The following MYO10 variants were observed in gnomAD, a reference collection of about 807,000 sequenced individuals.
The protein encoded by MYO10 is unconventional myosin-X.
MYO10 carries 133 observed loss-of-function variants against 257.3 expected under a neutral mutation model. The ratio of observed to expected loss-of-function variants is 0.52; its 90% CI spans 0.45 to 0.60. The LOEUF (loss-of-function observed/expected upper bound fraction) is 0.60. MYO10 is among the 20% of genes least tolerant of loss of function. The pLI is 0.00. For missense variants in MYO10, 2,399 were observed against 2,635.7 expected (o/e 0.91, Z 1.97); for synonymous variants, 1,104 against 1,028.6 (o/e 1.07, Z -1.40).
In MYO10 at chr5:16,761,463, C is replaced by T; in HGVS notation, c.1739+1G>A. 1 of 1,609,200 alleles carries T rather than the reference C, an allele frequency of 6.2e-7. No individual in the cohort carries two copies. The highest frequency in any genetic ancestry group is 8.5e-7 in the Non-Finnish European group (1 of 1,176,162). On this transcript the variant is annotated splice_donor_variant, in intron 17 of 40. Transcript: ENST00000513610. LOFTEE classifies it high-confidence loss of function. ...ACTTCTCGGTGAGAAGACTGACATACCGGCTTTCTCTTAGCAAATTGAGAA... is the reference window on the plus strand; with the variant it reads ...ACTTCTCGGTGAGAAGACTGACATATCGGCTTTCTCTTAGCAAATTGAGAA...
chr5:16,901,196 C>T (rs367742891), intron 1 of MYO10, among the ~76,000 whole-genome samples: 1 of 152,276 alleles, frequency 6.6e-6, no homozygotes, highest in South Asian at 2.1e-4. Context: ...CAGCCTGTTG[C>T]TTTGCCAGCA....
At chr5:16,801,164 G>A (rs1580005543) in intron 3 of MYO10, among the ~76,000 whole-genome samples, 1 of 152,108 alleles carries the variant, frequency 6.6e-6, no homozygotes, top group Non-Finnish European at 1.5e-5. Flanking sequence ...GTTGGGTAGA[G>A]AAAGAGCACT....
Position 16,672,785 on chromosome 5 carries a change from C to T in MYO10, c.5213G>A (p.Ser1738Asn), listed in dbSNP as rs748588539. ...KLIRGLAMED[S>N]RNMFALFEYN... ...TTCAAACAAAGCAAACATGTTCCTG[C>T]TGTCCTCCATGGCCAGGCCTCGGAT... is the stretch of plus-strand genomic sequence containing the variant. Residue 1738 changes from serine (S) to asparagine (N), a missense_variant, in exon 37 of 41, where the codon AGC becomes AAC. By Grantham distance (46) the Ser-to-Asn change is conservative. Around this residue, in one of 3 missense-constraint regions of MYO10, gnomAD observed 1,820 missense variants for 1,939.4 expected, o/e 0.94. Coordinates refer to ENST00000513610, the MANE Select transcript of MYO10 (RefSeq NM_012334.3). The T allele has an allele frequency of 6.2e-7, 1 of 1,613,854 alleles. No individual in the cohort carries two copies. Among genetic ancestry groups the T allele is most frequent in the Non-Finnish European group, 8.5e-7 (1 of 1,179,816 alleles).
At chr5:16,889,309 G>T (rs1478233279) in intron 1 of MYO10, among the ~76,000 whole-genome samples, 1 of 152,074 alleles carries the variant, frequency 6.6e-6, no homozygotes, top group East Asian at 1.9e-4. Context: ...GGGAGGCTGA[G>T]GCAGGAGAAT....
At chr5:16,923,923 C>G (rs752797405) in intron 1 of MYO10, among the ~76,000 whole-genome samples, 25 of 152,140 alleles carry the variant, frequency 1.6e-4, no homozygotes, top group Non-Finnish European at 3.4e-4. Context: ...GACCTCATCT[C>G]TACAAAAAAT....
At chr5:16,679,848 G>GAA in intron 33 of MYO10, 99 bp downstream of exon 33, 1 of 1,449,142 alleles carries the variant, frequency 6.9e-7, no homozygotes, top group Non-Finnish European at 9.3e-7. Context: ...TTTGATTACA[G>GAA]AAAAAAAACT....
chr5:16,874,550 A>G (rs1744544964), intron 2 of MYO10, among the ~76,000 whole-genome samples: 1 of 152,206 alleles, frequency 6.6e-6, no homozygotes, highest in Non-Finnish European at 1.5e-5. Flanking sequence ...AGGCAGGTGC[A>G]AAATGCCAAC....
rs1736081839 is a variant in MYO10 at position 16,664,475 on chromosome 5, AGGCTTCAGGCAGCACCT to A, written c.*2200_*2216del. On this transcript the variant is annotated 3_prime_UTR_variant, in exon 41 of 41. Coordinates refer to ENST00000513610, the MANE Select transcript of MYO10 (RefSeq NM_012334.3). ...TTCCTTGGGTGCCTGGCGGGGCCAC[AGGCTTCAGGCAGCACCT>A]GGCTTCAGGTTCCATCCCAATCCCT... 1 of 152,234 alleles carries A rather than the reference AGGCTTCAGGCAGCACCT, an allele frequency of 6.6e-6. No individual in the cohort carries two copies. Among genetic ancestry groups the A allele is most frequent in the Non-Finnish European group, 1.5e-5 (1 of 68,064 alleles). The allele number at this position is 152,234 out of a possible 1,614,324, so 9.4% of individuals were successfully genotyped here.
chr5:16,843,341 T>C (rs577382569), intron 2 of MYO10, among the ~76,000 whole-genome samples: 10 of 152,262 alleles, frequency 6.6e-5, no homozygotes, highest in Non-Finnish European at 1.5e-4. Flanking sequence ...CATATATACA[T>C]ACACACATAC....
intron 9 of MYO10, among the ~76,000 whole-genome samples, chr5:16,771,094 G>A (rs1205155426): frequency 6.6e-6 from 1 of 152,122 alleles, no homozygotes; most frequent in Non-Finnish European, 1.5e-5. Context: ...TAAAGAAAAA[G>A]CAATAATGGC....
At chr5:16,912,802 GCACA>G (rs70943817) in intron 1 of MYO10, among the ~76,000 whole-genome samples, 6,966 of 111,558 alleles carry the variant, frequency 0.062, 229 homozygotes, top group African/African-American at 0.1. Context: ...CTACCACCCT[GCACA>G]CACACACACA....
chr5:16,693,058 C>T (rs1010890550), intron 27 of MYO10, among the ~76,000 whole-genome samples: 57 of 152,174 alleles, frequency 3.7e-4, no homozygotes, highest in Non-Finnish European at 5.3e-4. Context: ...TTTGAACCCA[C>T]GAGTTTGAGA....
Position 16,719,278 on chromosome 5 carries a change from G to A in MYO10, c.1930-8033C>T, listed in dbSNP as rs574992029. 9.9e-5 allele frequency among the ~76,000 whole-genome samples: 15 copies of A among 152,232 alleles called. No individual in the cohort carries two copies. In the South Asian group the frequency reaches 2.1e-3, roughly 21 times the overall value. On this transcript the variant is annotated intron_variant, in intron 19 of 40. Coordinates refer to ENST00000513610, the MANE Select transcript of MYO10 (RefSeq NM_012334.3). ...GCTGTAACACTCACCGCGAGGGTCC[G>A]CGGCTTCATTCTTGAAGTCAGTGAC...
intron 1 of MYO10, chr5:16,902,320 G>T (rs753539809): frequency 2.2e-6 from 2 of 911,514 alleles, no homozygotes; most frequent in African/African-American, 1.6e-5. Flanking sequence ...AGGGGACATG[G>T]GGCAGCACCC....
chr5:16,763,789 G>T, intron 12 of MYO10, 34 bp from the exon 13 acceptor site: 1 of 1,232,630 alleles, frequency 8.1e-7, no homozygotes, highest in Non-Finnish European at 1.2e-6. Context: ...AGTATCTTTA[G>T]TGTACTCACG....
intron 19 of MYO10, among the ~76,000 whole-genome samples, chr5:16,739,885 A>T (rs1304265350): frequency 6.6e-6 from 1 of 152,150 alleles, no homozygotes; most frequent in Non-Finnish European, 1.5e-5. Flanking sequence ...TCGTCTTTAT[A>T]TTGAGGAGGG....
Position 16,741,797 on chromosome 5 carries a change from T to C in MYO10, c.1929+13031A>G, listed in dbSNP as rs138447928. 1.4e-4 allele frequency: 136 copies of C among 985,096 alleles called. 2 individuals carry two copies. The African/African-American group carries it at 2.2e-3, about 16-fold the overall frequency. The allele number at this position is 985,096 out of a possible 1,614,324, so 61.0% of individuals were successfully genotyped here. On this transcript the variant is annotated intron_variant, in intron 19 of 40. Transcript: ENST00000513610. ...TTAAGCAGAACAAGAAAGAGAAAAATCCCTACCTTGGGTTTTCTTTCACCC... is the reference window on the plus strand; with the variant it reads ...TTAAGCAGAACAAGAAAGAGAAAAACCCCTACCTTGGGTTTTCTTTCACCC...
chr5:16,745,603 G>C (rs1038515020), intron 19 of MYO10, among the ~76,000 whole-genome samples: 1 of 152,088 alleles, frequency 6.6e-6, no homozygotes, highest in African/African-American at 2.4e-5. Flanking sequence ...GCAGGAGATT[G>C]CTTGAGCCCA....
At chr5:16,896,458 T>C (rs1429570189) in intron 1 of MYO10, among the ~76,000 whole-genome samples, 1 of 152,042 alleles carries the variant, frequency 6.6e-6, no homozygotes, top group Non-Finnish European at 1.5e-5. Flanking sequence ...TAGCTGGGCA[T>C]GGTAGCACAT....
Sources: gnomAD v4.1 joint callset for allele counts (sites outside exome capture counted in the v4.1 genomes callset) on GRCh38, gnomAD v4.1.1 for gene constraint, gnomAD v4.1.1 regional missense constraint, MANE v1.5 for transcripts, NCBI Gene and HGNC (gene_info 2026-07-23, HGNC 2026-07-21) for gene names.